Variants in TTBK1 observed in about 807,000 individuals in gnomAD.
TTBK1 encodes the protein tau tubulin kinase 1, also known as tau-tubulin kinase 1.
A neutral mutation model predicts 108.5 loss-of-function variants in TTBK1; 34 were observed. That is an observed-to-expected ratio of 0.31 (90% CI 0.24 to 0.42). The LOEUF (loss-of-function observed/expected upper bound fraction) is 0.42. Among genes scored for constraint, TTBK1 ranks in the 10% least tolerant of loss-of-function variants. The pLI, the probability that TTBK1 is intolerant of heterozygous loss-of-function variation, is 1.00. For missense variants in TTBK1, 1,539 were observed against 1,826.0 expected (o/e 0.84, Z 2.86); for synonymous variants, 809 against 795.1 (o/e 1.02, Z -0.29).
chr6:43,255,166 G>C (rs762438107), intron 7 of TTBK1, 52 bp downstream of exon 7: 5 of 1,463,102 alleles, frequency 3.4e-6, no homozygotes, highest in Non-Finnish European at 4.8e-6. Flanking sequence ...GGGCAAGGTC[G>C]GGGTGCAGTG....
rs1211361620 is a variant in TTBK1, at chr6:43,253,139, G to C, written c.257-152G>C. 3 of 935,964 alleles carry C rather than the reference G, an allele frequency of 3.2e-6. No homozygotes were observed. The highest frequency in any genetic ancestry group is 5.0e-6 in the Non-Finnish European group (3 of 594,714). The allele number at this position is 935,964 out of a possible 1,614,324, so 58.0% of individuals were successfully genotyped here. ...AATCGAGCTGGAGTCTAGGAGACAT[G>C]ATGAGGCTAGGGCCAGGGAGGTGGC... On this transcript the variant is annotated intron_variant, in intron 3 of 14. Transcript: ENST00000259750. This position sits in a 1 kb window ranked among gnomAD's most constrained non-coding sequence, Gnocchi z 5.8.
rs1777662229 is a variant in TTBK1 at position 43,265,830 on chromosome 6, G to A, written c.1986+2480G>A. Among the ~76,000 whole-genome samples, 1 of 152,196 alleles carries A rather than the reference G, an allele frequency of 6.6e-6. No individual in the cohort carries two copies. Among genetic ancestry groups the A allele is most frequent in the East Asian group, 1.9e-4 (1 of 5,196 alleles). On this transcript the variant is annotated intron_variant, in intron 13 of 14. Coordinates refer to ENST00000259750, the MANE Select transcript of TTBK1 (RefSeq NM_032538.3). The surrounding 1 kb of genome is among the most constrained non-coding windows in gnomAD (Gnocchi z 4.1). Reference sequence around the variant, plus strand: ...CTCTGCCGTTCCCTTCCCAGTGACTGAGGGCCAGTCAGTGTCCCTTTCTGG... The same window carrying A: ...CTCTGCCGTTCCCTTCCCAGTGACTAAGGGCCAGTCAGTGTCCCTTTCTGG...
At chr6:43,258,598 TAA>T (rs144458994) in intron 10 of TTBK1, among the ~76,000 whole-genome samples, 2 of 150,550 alleles carry the variant, frequency 1.3e-5, no homozygotes, top group African/African-American at 4.9e-5. Context: ...GAAGATTAAA[TAA>T]AAAAAAAATT....
At position 43,283,202 on chromosome 6, in the gene TTBK1, C is replaced by T; in HGVS notation, c.2462C>T (p.Ser821Phe). The T allele has an allele frequency of 6.4e-7, 1 of 1,552,086 alleles. No homozygotes were observed. Among genetic ancestry groups the T allele is most frequent in the Non-Finnish European group, 8.7e-7 (1 of 1,148,256 alleles). ...DDQKESRGRA[S>F]MADGDLEPEE... ...CAGAAGGAGTCCAGGGGCCGGGCCT[C>T]CATGGCCGATGGGGACCTGGAGCCT... Residue 821 changes from serine (S) to phenylalanine (F), a missense_variant, in exon 14 of 15, where the codon TCC (serine) becomes TTC (phenylalanine). Ser to Phe is a radical substitution (Grantham distance 155). Around this residue, in one of 5 missense-constraint regions of TTBK1, gnomAD observed 1,055 missense variants for 1,086.5 expected, o/e 0.97. Coordinates refer to ENST00000259750, the MANE Select transcript of TTBK1 (RefSeq NM_032538.3). The surrounding 1 kb of genome is among the most constrained non-coding windows in gnomAD (Gnocchi z 8.1).
chr6:43,279,449 A>C (rs879323581), intron 13 of TTBK1, among the ~76,000 whole-genome samples: 20 of 152,258 alleles, frequency 1.3e-4, no homozygotes, highest in Middle Eastern at 6.8e-3. Flanking sequence ...GTGAGTTCAG[A>C]GGTGGTTGGG....
chr6:43,258,878 C>T (rs1295131843), intron 10 of TTBK1, among the ~76,000 whole-genome samples, 160 bp from the exon 11 acceptor site: 2 of 152,182 alleles, frequency 1.3e-5, no homozygotes, highest in Non-Finnish European at 2.9e-5. Flanking sequence ...CTTTGTGGGC[C>T]AGCAATGGTG....
Position 43,263,050 on chromosome 6 carries a change from C to G in TTBK1, c.1686C>G (p.Ser562Arg). The change falls in exon 13 of 15, where the codon AGC (serine) becomes AGG (arginine). Residue 562 changes from serine to arginine, a missense_variant. Around this residue, in one of 5 missense-constraint regions of TTBK1, gnomAD observed 1,055 missense variants for 1,086.5 expected, o/e 0.97. Coordinates refer to ENST00000259750, the MANE Select transcript of TTBK1 (RefSeq NM_032538.3). The surrounding 1 kb of genome is among the most constrained non-coding windows in gnomAD (Gnocchi z 4.7). ...ACTTCCCTCCAGGGGCTGAGCCCAGCACATCGGGCACCACGGATGAGGAGC... is the reference window on the plus strand; with the variant it reads ...ACTTCCCTCCAGGGGCTGAGCCCAGGACATCGGGCACCACGGATGAGGAGC... ...LKDFPPGAEP[S>R]TSGTTDEEPE... 6.3e-7 allele frequency: 1 copy of G among 1,587,914 alleles called. No homozygotes were observed. Among genetic ancestry groups the G allele is most frequent in the Non-Finnish European group, 8.6e-7 (1 of 1,167,518 alleles).
chr6:43,273,434 C>T lies in TTBK1; in HGVS notation c.1987-9293C>T, dbSNP rs1218979680. On this transcript the variant is annotated intron_variant, in intron 13 of 14. Transcript: ENST00000259750. The surrounding 1 kb of genome is among the most constrained non-coding windows in gnomAD (Gnocchi z 4.2). ...CTGTCTCTCCAGAGACCTCCAACCC[C>T]TCAATCCCACATGGCCCCAAGCATC... 6.6e-6 allele frequency among the ~76,000 whole-genome samples: 1 copy of T among 152,200 alleles called. No homozygotes were observed. The highest frequency in any genetic ancestry group is 6.5e-5 in the Admixed American group (1 of 15,278).
At chr6:43,275,927 C>T (rs1473021438) in intron 13 of TTBK1, among the ~76,000 whole-genome samples, 1 of 152,194 alleles carries the variant, frequency 6.6e-6, no homozygotes, top group Non-Finnish European at 1.5e-5. Context: ...TCAGAGTTCT[C>T]AGTGTCGAGC....
In TTBK1 at chr6:43,269,864, T is replaced by C; in HGVS notation, c.1986+6514T>C. ...ACCGGCGCCACGCGCCCCTCGCTGC[T>C]GGCAACCACAGACTCATGCCCTCGG... On this transcript the variant is annotated intron_variant, in intron 13 of 14. Transcript: ENST00000259750. The surrounding 1 kb of genome is among the most constrained non-coding windows in gnomAD (Gnocchi z 4.8). 1 of 1,533,488 alleles carries C rather than the reference T, an allele frequency of 6.5e-7. No homozygotes were observed. The highest frequency in any genetic ancestry group is 8.7e-7 in the Non-Finnish European group (1 of 1,145,346). 95.0% of individuals were successfully genotyped at this position (1,533,488 alleles called of 1,614,324 possible).
At chr6:43,252,926 T>C (rs780453460) in intron 3 of TTBK1, 40 bp downstream of exon 3, 2 of 1,608,016 alleles carry the variant, frequency 1.2e-6, no homozygotes, top group Admixed American at 3.3e-5. Context: ...GAAGAGATGA[T>C]GAAGCCAGGG....
chr6:43,244,812 G>A (rs1213226247), intron 1 of TTBK1, among the ~76,000 whole-genome samples: 3 of 152,120 alleles, frequency 2.0e-5, no homozygotes, highest in Middle Eastern at 6.3e-3. Flanking sequence ...CCTCCCACCA[G>A]TTCAATTGCT....
chr6:43,259,958 A>G lies in TTBK1; in HGVS notation c.1424+252A>G, dbSNP rs947312350. Reference sequence around the variant, plus strand: ...GGTGAGTGCAGGCTGCAGGAGGGACAGGTGGGGCGCCTGGGCCCAGGAAGG... The same window carrying G: ...GGTGAGTGCAGGCTGCAGGAGGGACGGGTGGGGCGCCTGGGCCCAGGAAGG... On this transcript the variant is annotated intron_variant, in intron 12 of 14. Coordinates refer to ENST00000259750, the MANE Select transcript of TTBK1 (RefSeq NM_032538.3). This position sits in a 1 kb window ranked among gnomAD's most constrained non-coding sequence, Gnocchi z 6.7. Among the ~76,000 whole-genome samples, 1 of 152,188 alleles carries G rather than the reference A, an allele frequency of 6.6e-6. No homozygotes were observed. The highest frequency in any genetic ancestry group is 1.5e-5 in the Non-Finnish European group (1 of 68,024).
intron 13 of TTBK1, among the ~76,000 whole-genome samples, chr6:43,275,957 TGCCCCC>T (rs1777976041): frequency 6.6e-6 from 1 of 152,094 alleles, no homozygotes; most frequent in Admixed American, 6.5e-5. Context: ...GGCTGGCCCC[TGCCCCC>T]GGAGAAGCGG....
rs375473164 is a variant in TTBK1, at chr6:43,257,902, C to T, written c.952C>T (p.Leu318Phe). The change falls in exon 10 of 15, where the codon CTC (leucine) becomes TTC (phenylalanine). Residue 318 changes from leucine (L) to phenylalanine (F), a missense_variant. By Grantham distance (22) the Leu-to-Phe change is conservative. Transcript: ENST00000259750. The surrounding 1 kb of genome is among the most constrained non-coding windows in gnomAD (Gnocchi z 4.5). ...CTGGGAGAAGGCAGGCACCGATGCC[C>T]TCCTGTCCACGAGCACCTCTACCCC... ...FDWEKAGTDA[L>F]LSTSTSTPPQ... 2.1e-5 allele frequency: 34 copies of T among 1,613,866 alleles called. 1 individual carries two copies. Among genetic ancestry groups the T allele is most frequent in the South Asian group, 4.4e-5 (4 of 91,066 alleles).
At position 43,253,222 on chromosome 6, in the gene TTBK1, A is replaced by C; in HGVS notation, c.257-69A>C. 1.9e-6 allele frequency: 3 copies of C among 1,551,378 alleles called. No homozygotes were observed. The highest frequency in any genetic ancestry group is 2.7e-6 in the Non-Finnish European group (3 of 1,123,342). On this transcript the variant is annotated intron_variant, in intron 3 of 14. Coordinates refer to ENST00000259750, the MANE Select transcript of TTBK1 (RefSeq NM_032538.3). The surrounding 1 kb of genome is among the most constrained non-coding windows in gnomAD (Gnocchi z 5.8). Reference sequence around the variant, plus strand: ...GACCAGGAATCAAGAGTGCACTAGGAACCCATCTTAGGGTTGGAAATGAGG... The same window carrying C: ...GACCAGGAATCAAGAGTGCACTAGGCACCCATCTTAGGGTTGGAAATGAGG...
At position 43,259,673 on chromosome 6, in the gene TTBK1, C is replaced by G. The variant is rs367608830; in HGVS notation, c.1391C>G (p.Thr464Arg). 1 of 1,603,088 alleles carries G rather than the reference C, an allele frequency of 6.2e-7. No individual in the cohort carries two copies. Among genetic ancestry groups the G allele is most frequent in the South Asian group, 1.1e-5 (1 of 88,986 alleles). The change falls in exon 12 of 15, where the codon ACG (threonine) becomes AGG (arginine). Residue 464 changes from threonine (T) to arginine (R), a missense_variant. Coordinates refer to ENST00000259750, the MANE Select transcript of TTBK1 (RefSeq NM_032538.3). The surrounding 1 kb of genome is among the most constrained non-coding windows in gnomAD (Gnocchi z 6.7). ...VNSPESERLS[T>R]ADGRVELPER... ...AGCCCTGAGTCAGAAAGGCTGTCCA[C>G]GGCGGACGGGCGAGTGGAGCTACCT...
intron 13 of TTBK1, among the ~76,000 whole-genome samples, chr6:43,266,249 C>A (rs1392944260): frequency 1.3e-5 from 2 of 152,206 alleles, no homozygotes; most frequent in Non-Finnish European, 2.9e-5. Flanking sequence ...TATGTGCCTG[C>A]ATGTGGGTGC....
rs376415608 is a variant in TTBK1, at chr6:43,283,941, G to A, written c.3201G>A (p.Ser1067=). ...TGCTCTCTGAGGAGGACACGGGCTCGGAGCCCTCAGGCTCACTGTCGGCCA... is the reference window on the plus strand; with the variant it reads ...TGCTCTCTGAGGAGGACACGGGCTCAGAGCCCTCAGGCTCACTGTCGGCCA... ...PVLLSEEDTG[S]EPSGSLSAKE... Residue 1067 remains serine (S), a synonymous_variant, in exon 14 of 15, where the codon TCG becomes TCA. Transcript: ENST00000259750. The surrounding 1 kb of genome is among the most constrained non-coding windows in gnomAD (Gnocchi z 8.1). The A allele has an allele frequency of 4.0e-5, 64 of 1,612,624 alleles. No individual in the cohort carries two copies. The African/African-American group carries it at 6.1e-4, about 15-fold the overall frequency.
Sources: gnomAD v4.1 joint callset for allele counts (sites outside exome capture counted in the v4.1 genomes callset) on GRCh38, gnomAD v4.1.1 for gene constraint, gnomAD v4.1.1 regional missense constraint, Gnocchi (gnomAD v3.1) non-coding constraint, MANE v1.5 for transcripts, NCBI Gene and HGNC (gene_info 2026-07-23, HGNC 2026-07-21) for gene names.